MRTFA: variants seen among roughly 807,000 people sequenced by gnomAD.
MRTFA encodes the protein myocardin-related transcription factor A.
MRTFA carries 20 observed loss-of-function variants against 83.5 expected under a neutral mutation model. The ratio of observed to expected loss-of-function variants is 0.24; its 90% CI spans 0.17 to 0.35. MRTFA has a LOEUF of 0.35. Among genes scored for constraint, MRTFA ranks in the 10% least tolerant of loss-of-function variants. MRTFA has a pLI of 1.00. For synonymous variants in MRTFA, 659 were observed against 541.2 expected (o/e 1.22, Z -3.02); for missense variants, 1,200 against 1,224.7 (o/e 0.98, Z 0.30).
chr22:40,473,325 A>G (rs1815251015), intron 3 of MRTFA, among the ~76,000 whole-genome samples: 2 of 152,024 alleles, frequency 1.3e-5, no homozygotes, highest in African/African-American at 4.8e-5. Flanking sequence ...ACACCCAGCT[A>G]ATTTTTAAAT....
chr22:40,615,244 G>C (rs746702605), intron 1 of MRTFA, among the ~76,000 whole-genome samples: 1 of 152,150 alleles, frequency 6.6e-6, no homozygotes, highest in African/African-American at 2.4e-5. Context: ...CTGTTAAAAA[G>C]ACTATACTTT....
At chr22:40,595,828 C>CATA (rs1292109734) in intron 1 of MRTFA, among the ~76,000 whole-genome samples, 7 of 144,988 alleles carry the variant, frequency 4.8e-5, no homozygotes, top group African/African-American at 1.8e-4. Flanking sequence ...AGAACAAAGA[C>CATA]ATAACAGAGA....
At chr22:40,494,662 C>A (rs993944250) in intron 3 of MRTFA, among the ~76,000 whole-genome samples, 6 of 149,654 alleles carry the variant, frequency 4.0e-5, no homozygotes, top group African/African-American at 1.5e-4. Flanking sequence ...GCCTGGGTAA[C>A]AGAGCCAGAC....
At position 40,633,240 on chromosome 22, in the gene MRTFA, C is replaced by T. The variant is rs183580264; in HGVS notation, c.-84+3238G>A. Among the ~76,000 whole-genome samples the T allele has an allele frequency of 3.3e-5, 5 of 152,164 alleles. No individual in the cohort carries two copies. The East Asian group carries it at 7.7e-4, about 23-fold the overall frequency. ...GAATATATATACACACACAAGAACA[C>T]GGAGTAAATATATATTTGTTCATGT... On this transcript the variant is annotated intron_variant, in intron 1 of 14. Transcript: ENST00000355630.
chr22:40,445,798 T>C (rs1484758262), intron 4 of MRTFA, among the ~76,000 whole-genome samples: 2 of 152,218 alleles, frequency 1.3e-5, no homozygotes, highest in Non-Finnish European at 2.9e-5. Flanking sequence ...TCCACCTGCC[T>C]TGGCCTCCCA....
intron 4 of MRTFA, among the ~76,000 whole-genome samples, chr22:40,452,799 C>T (rs1309351544): frequency 6.9e-6 from 1 of 144,884 alleles, no homozygotes; most frequent in Non-Finnish European, 1.5e-5. Flanking sequence ...GAGCAACACT[C>T]CGTCTCAAAA....
chr22:40,594,962 T>C (rs2056170259), intron 1 of MRTFA, among the ~76,000 whole-genome samples: 1 of 151,568 alleles, frequency 6.6e-6, no homozygotes, highest in East Asian at 1.9e-4. Context: ...ACTTCCTATA[T>C]GCTAGATACT....
At chr22:40,484,396 C>T (rs2054141419) in intron 3 of MRTFA, among the ~76,000 whole-genome samples, 1 of 152,104 alleles carries the variant, frequency 6.6e-6, no homozygotes, top group Admixed American at 6.5e-5. Context: ...CAAGATCAAA[C>T]ACATAAAGGA....
At chr22:40,496,758 T>C (rs2054361867) in intron 3 of MRTFA, among the ~76,000 whole-genome samples, 1 of 147,632 alleles carries the variant, frequency 6.8e-6, no homozygotes, top group Non-Finnish European at 1.5e-5. Context: ...TTTCTCCCTT[T>C]TGTTTATCTG....
intron 2 of MRTFA, among the ~76,000 whole-genome samples, chr22:40,593,432 T>C (rs2056148364): frequency 6.6e-6 from 1 of 152,218 alleles, no homozygotes; most frequent in South Asian, 2.1e-4. Context: ...TTGGTACCTT[T>C]CTTTACTTTC....
intron 3 of MRTFA, among the ~76,000 whole-genome samples, chr22:40,550,845 CTTTTTTCTTTTTTTT>C (rs1275650204): frequency 4.1e-5 from 3 of 72,494 alleles, no homozygotes; most frequent in Non-Finnish European, 1.1e-4. Context: ...TCCATTTTTT[CTTTTTTCTTTTTTTT>C]TTTTTTTTGA....
chr22:40,605,630 T>C (rs990625565), intron 1 of MRTFA, among the ~76,000 whole-genome samples: 3 of 152,204 alleles, frequency 2.0e-5, no homozygotes, highest in Non-Finnish European at 4.4e-5. Flanking sequence ...AAAGAATGGA[T>C]TGATCGAGAA....
At chr22:40,519,523 C>G in intron 3 of MRTFA, 1 of 1,350,586 alleles carries the variant, frequency 7.4e-7, no homozygotes, top group Non-Finnish European at 9.8e-7. Context: ...TTAACTCCAA[C>G]CTCCTTGTGT....
chr22:40,559,479 G>A (rs1157056648), intron 2 of MRTFA, among the ~76,000 whole-genome samples: 1 of 152,098 alleles, frequency 6.6e-6, no homozygotes, highest in African/African-American at 2.4e-5. Flanking sequence ...GAGTGCAATG[G>A]AATGATCATA....
At chr22:40,456,759 T>A (rs2053592769) in intron 4 of MRTFA, among the ~76,000 whole-genome samples, 1 of 152,186 alleles carries the variant, frequency 6.6e-6, no homozygotes, top group Admixed American at 6.5e-5. Context: ...ACCATTACTG[T>A]TACTGTATCG....
intron 1 of MRTFA, among the ~76,000 whole-genome samples, chr22:40,636,232 A>C (rs1176447348): frequency 6.6e-6 from 1 of 152,134 alleles, no homozygotes; most frequent in Non-Finnish European, 1.5e-5. Flanking sequence ...GGCAGTGCAC[A>C]GGTGCACGAC....
intron 3 of MRTFA, among the ~76,000 whole-genome samples, chr22:40,534,113 G>C (rs1310883066): frequency 1.3e-5 from 2 of 152,146 alleles, no homozygotes; most frequent in African/African-American, 4.8e-5. Flanking sequence ...TCCAATTACT[G>C]ACCCATTGAT....
chr22:40,578,883 A>C (rs2055907516), intron 2 of MRTFA, among the ~76,000 whole-genome samples: 1 of 152,120 alleles, frequency 6.6e-6, no homozygotes, highest in East Asian at 1.9e-4. Flanking sequence ...AGATTGTGCC[A>C]CTGAACTTCA....
chr22:40,468,206 A>G (rs972422185), intron 3 of MRTFA, among the ~76,000 whole-genome samples: 3 of 152,194 alleles, frequency 2.0e-5, no homozygotes, highest in Non-Finnish European at 4.4e-5. Flanking sequence ...TGAACACATC[A>G]AACAGCTGGG....
Sources: allele counts gnomAD v4.1 joint callset (sites outside exome capture counted in the v4.1 genomes callset), GRCh38; gene constraint gnomAD v4.1.1; transcripts MANE v1.5; gene names NCBI Gene and HGNC (gene_info 2026-07-23, HGNC 2026-07-21).